The following ROBO2 variants were observed in gnomAD, a reference collection of about 807,000 sequenced individuals.
ROBO2 encodes the protein roundabout guidance receptor 2, also known as roundabout homolog 2.
A neutral mutation model predicts 160.8 loss-of-function variants in ROBO2; 53 were observed. The ratio of observed to expected loss-of-function variants is 0.33; its 90% confidence interval spans 0.26 to 0.41. The LOEUF (loss-of-function observed/expected upper bound fraction) is 0.41, where lower values mean the gene tolerates loss of function less well. Among genes scored for constraint, ROBO2 ranks in the 10% least tolerant of loss-of-function variants. ROBO2 has a pLI of 1.00. For synonymous variants in ROBO2, 664 were observed against 611.7 expected (o/e 1.09, Z -1.26); for missense variants, 1,577 against 1,722.4 (o/e 0.92, Z 1.49).
chr3:76,424,880 A>G lies in ROBO2; in HGVS notation c.109+487278A>G, dbSNP rs76766510. ...TACTAACCATTCTGTGAAGTGGTCCAAAGGCGTGCATGGCACAAACAGCTC... is the reference window on the plus strand; with the variant it reads ...TACTAACCATTCTGTGAAGTGGTCCGAAGGCGTGCATGGCACAAACAGCTC... On this transcript the variant is annotated intron_variant, in intron 2 of 26. Transcript: ENST00000487694. 2.6e-5 allele frequency among the ~76,000 whole-genome samples: 4 copies of G among 152,250 alleles called. No homozygotes were observed. The East Asian group carries it at 7.7e-4, about 29-fold the overall frequency.
chr3:77,625,631 C>T (rs2095000976), intron 23 of ROBO2, among the ~76,000 whole-genome samples: 1 of 152,154 alleles, frequency 6.6e-6, no homozygotes, highest in African/African-American at 2.4e-5. Context: ...CTGCCTCGGC[C>T]TCCCAAAGTG....
At chr3:77,160,687 G>T (rs748220123) in intron 2 of ROBO2, among the ~76,000 whole-genome samples, 14 of 152,140 alleles carry the variant, frequency 9.2e-5, no homozygotes, top group Non-Finnish European at 1.6e-4. Context: ...GTGAGCAGTT[G>T]CCTACATGTG....
intron 2 of ROBO2, among the ~76,000 whole-genome samples, chr3:77,228,582 C>A (rs565187521): frequency 5.3e-5 from 8 of 152,026 alleles, no homozygotes; most frequent in African/African-American, 1.9e-4. Flanking sequence ...GACCTGTCCA[C>A]CTGTCCCAGG....
chr3:76,808,661 C>T (rs1156643833), intron 2 of ROBO2, among the ~76,000 whole-genome samples: 1 of 152,022 alleles, frequency 6.6e-6, no homozygotes, highest in African/African-American at 2.4e-5. Context: ...TTAAGAATGT[C>T]TAAAGGGCAC....
intron 3 of ROBO2, 122 bp from the exon 4 acceptor site, chr3:77,480,977 G>A: frequency 1.2e-6 from 1 of 826,276 alleles, no homozygotes; most frequent in East Asian, 2.7e-5. Context: ...AAAATAATGG[G>A]AGAGTTTTTT....
At chr3:76,320,171 A>G (rs1404691254) in intron 2 of ROBO2, among the ~76,000 whole-genome samples, 2 of 152,148 alleles carry the variant, frequency 1.3e-5, no homozygotes, top group Non-Finnish European at 2.9e-5. Context: ...CCAATTCACT[A>G]TTATGCAAAA....
intron 2 of ROBO2, among the ~76,000 whole-genome samples, chr3:77,342,821 G>C (rs1160881842): frequency 6.6e-6 from 1 of 152,148 alleles, no homozygotes; most frequent in Non-Finnish European, 1.5e-5. Context: ...ACAAAGCTTA[G>C]CACTGTGTTC....
intron 2 of ROBO2, among the ~76,000 whole-genome samples, chr3:76,326,452 A>G (rs1403743814): frequency 1.3e-5 from 2 of 152,174 alleles, no homozygotes; most frequent in African/African-American, 4.8e-5. Flanking sequence ...ATGTGTATAC[A>G]TACCATGTAC....
chr3:76,215,873 T>C (rs754626312), intron 2 of ROBO2, among the ~76,000 whole-genome samples: 16 of 151,880 alleles, frequency 1.1e-4, no homozygotes, highest in Non-Finnish European at 1.9e-4. Context: ...TTCACCAAAG[T>C]TGAAATGAAG....
intron 2 of ROBO2, among the ~76,000 whole-genome samples, chr3:76,821,491 A>G (rs539894679): frequency 6.6e-6 from 1 of 152,170 alleles, no homozygotes; most frequent in African/African-American, 2.4e-5. Context: ...TATTCGAGAG[A>G]AACAGCATTG....
At chr3:77,273,873 T>C (rs2153358898) in intron 2 of ROBO2, among the ~76,000 whole-genome samples, 1 of 152,278 alleles carries the variant, frequency 6.6e-6, no homozygotes, top group East Asian at 1.9e-4. Flanking sequence ...ATGTCAAGAC[T>C]CATCCAATCT....
chr3:77,065,918 C>T (rs1166444845), intron 1 of ROBO2, among the ~76,000 whole-genome samples: 1 of 152,062 alleles, frequency 6.6e-6, no homozygotes, highest in Non-Finnish European at 1.5e-5. Flanking sequence ...AATCAAGATA[C>T]ATCTGTTTTT....
At chr3:77,571,946 C>T (rs2093647458) in intron 13 of ROBO2, among the ~76,000 whole-genome samples, 1 of 150,678 alleles carries the variant, frequency 6.6e-6, no homozygotes, top group African/African-American at 2.4e-5. Context: ...TCAAGTTAAA[C>T]TATTTAATTA....
chr3:77,156,501 A>C (rs965536629), intron 2 of ROBO2, among the ~76,000 whole-genome samples: 1 of 152,128 alleles, frequency 6.6e-6, no homozygotes, highest in South Asian at 2.1e-4. Context: ...TGTCATACAT[A>C]TTAGTTATTT....
chr3:76,300,723 A>G (rs566017699), intron 2 of ROBO2, among the ~76,000 whole-genome samples: 15 of 152,234 alleles, frequency 9.9e-5, no homozygotes, highest in African/African-American at 2.9e-4. Flanking sequence ...AATAGTTTAA[A>G]TGATTTAAAT....
At position 76,890,055 on chromosome 3, in the gene ROBO2, C is replaced by T. The variant is rs1006419746; in HGVS notation, c.110-207959C>T. On this transcript the variant is annotated intron_variant, in intron 2 of 26. Coordinates refer to the ROBO2 transcript ENST00000487694. ...TCCTAAGGACTTTCCTTTCACTCTG[C>T]GTGTAATGAGAAGTCATTTCAGGAT... Among the ~76,000 whole-genome samples, 12 of 152,084 alleles carry T rather than the reference C, an allele frequency of 7.9e-5. No individual in the cohort carries two copies. The South Asian group carries it at 1.9e-3, about 24-fold the overall frequency.
intron 2 of ROBO2, among the ~76,000 whole-genome samples, chr3:77,020,627 A>G (rs2062572030): frequency 6.6e-6 from 1 of 152,222 alleles, no homozygotes; most frequent in Admixed American, 6.5e-5. Context: ...GATCCACATT[A>G]TCTAATATCA....
At chr3:77,515,525 C>A (rs1158602236) in intron 5 of ROBO2, among the ~76,000 whole-genome samples, 1 of 151,652 alleles carries the variant, frequency 6.6e-6, no homozygotes, top group African/African-American at 2.4e-5. Flanking sequence ...ACTTCAGTAC[C>A]CAGACCATGA....
chr3:77,578,894 A>T (rs1016653085), intron 15 of ROBO2, among the ~76,000 whole-genome samples: 1 of 151,820 alleles, frequency 6.6e-6, no homozygotes, highest in African/African-American at 2.4e-5. Context: ...AACATGATGA[A>T]TTTTTTTTCC....
Sources: gnomAD v4.1 joint callset for allele counts (sites outside exome capture counted in the v4.1 genomes callset) on GRCh38, gnomAD v4.1.1 for gene constraint, MANE v1.5 for transcripts, NCBI Gene and HGNC (gene_info 2026-07-23, HGNC 2026-07-21) for gene names.